Variants in INSC observed in about 807,000 individuals in gnomAD.
INSC encodes the protein protein inscuteable homolog.
A neutral mutation model predicts 58.6 loss-of-function variants in INSC; 67 were observed. The observed-to-expected ratio is 1.14, with a 90% CI of 0.94 to 1.40. INSC has a LOEUF of 1.40. INSC is among the 40% of genes most tolerant of loss of function. The pLI is 0.00. For synonymous variants in INSC, 262 were observed against 276.1 expected (o/e 0.95, Z 0.51); for missense variants, 714 against 692.0 (o/e 1.03, Z -0.36).
At chr11:15,261,833 T>G in the INSC span, among the ~76,000 whole-genome samples, 1 of 152,264 alleles carries the variant, frequency 6.6e-6, no homozygotes, top group Non-Finnish European at 1.5e-5. Context: ...ACTCAGGGAC[T>G]TAGGATCTAA....
intron 2 of INSC, among the ~76,000 whole-genome samples, chr11:15,174,410 C>T (rs1573542): frequency 0.52 from 78,436 of 151,908 alleles, 21,120 homozygotes; most frequent in East Asian, 0.94. Context: ...ATATTACATA[C>T]ATTGCTCATT....
chr11:15,223,772 G>C (rs1476619158), intron 8 of INSC, among the ~76,000 whole-genome samples: 1 of 152,192 alleles, frequency 6.6e-6, no homozygotes, highest in Non-Finnish European at 1.5e-5. Flanking sequence ...AGAGGATAAG[G>C]CAATCATTGG....
At chr11:15,259,117 T>C in the INSC span, among the ~76,000 whole-genome samples, 1 of 152,162 alleles carries the variant, frequency 6.6e-6, no homozygotes, top group Admixed American at 6.5e-5. Context: ...ACAACTCAGT[T>C]CTCTGGATCT....
At chr11:15,262,227 T>C in the INSC span, among the ~76,000 whole-genome samples, 74 of 152,162 alleles carry the variant, frequency 4.9e-4, no homozygotes, top group South Asian at 2.9e-3. Context: ...CTGACACACA[T>C]TGAAAACAAT....
intron 1 of INSC, among the ~76,000 whole-genome samples, chr11:15,126,461 C>T (rs1847997709): frequency 6.6e-6 from 1 of 152,168 alleles, no homozygotes; most frequent in Non-Finnish European, 1.5e-5. Flanking sequence ...GGTCTGGGCT[C>T]TGGCCATGAA....
intron 1 of INSC, among the ~76,000 whole-genome samples, chr11:15,122,103 C>A (rs1847887862): frequency 6.6e-6 from 1 of 152,304 alleles, no homozygotes; most frequent in East Asian, 1.9e-4. Context: ...TTTATATGCT[C>A]TCTTAGCAAA....
At chr11:15,235,365 T>A (rs752080680) in intron 9 of INSC, among the ~76,000 whole-genome samples, 4 of 152,166 alleles carry the variant, frequency 2.6e-5, no homozygotes, top group Middle Eastern at 3.2e-3. Context: ...CCTGGGGCCC[T>A]TGGGGGCCGT....
At chr11:15,236,385 C>G (rs941629833) in intron 10 of INSC, among the ~76,000 whole-genome samples, 2 of 152,048 alleles carry the variant, frequency 1.3e-5, no homozygotes, top group African/African-American at 4.8e-5. Context: ...CTATTCCTAC[C>G]AAGGGATACA....
intron 2 of INSC, among the ~76,000 whole-genome samples, chr11:15,169,318 T>G (rs1849310569): frequency 6.6e-6 from 1 of 152,174 alleles, no homozygotes; most frequent in South Asian, 2.1e-4. Flanking sequence ...CTATGTTCCT[T>G]TCCCCTGAGA....
intron 9 of INSC, 26 bp downstream of exon 9, chr11:15,225,854 A>G: frequency 6.2e-7 from 1 of 1,601,936 alleles, no homozygotes; most frequent in Non-Finnish European, 8.5e-7. Flanking sequence ...GGCACTGAGC[A>G]CAGGGCCCAT....
At chr11:15,147,897 C>G (rs1251538892) in intron 1 of INSC, among the ~76,000 whole-genome samples, 1 of 152,196 alleles carries the variant, frequency 6.6e-6, no homozygotes, top group Non-Finnish European at 1.5e-5. Context: ...CTATAGGGCT[C>G]CCGTGTAATC....
intron 1 of INSC, among the ~76,000 whole-genome samples, chr11:15,126,525 A>G (rs1847999497): frequency 6.6e-6 from 1 of 152,168 alleles, no homozygotes; most frequent in Non-Finnish European, 1.5e-5. Context: ...TTAGATTCAG[A>G]GCAGGAGCTC....
intron 6 of INSC, among the ~76,000 whole-genome samples, chr11:15,191,320 A>C (rs1850169122): frequency 6.6e-6 from 1 of 151,010 alleles, no homozygotes; most frequent in African/African-American, 2.4e-5. Flanking sequence ...CTCTGATTTC[A>C]TTTCCCACTT....
At chr11:15,255,121 A>G in the INSC span, among the ~76,000 whole-genome samples, 1 of 152,132 alleles carries the variant, frequency 6.6e-6, no homozygotes, top group Non-Finnish European at 1.5e-5. Context: ...TTGATCAAAC[A>G]CTTTCTGAAA....
chr11:15,133,186 C>A (rs576174205), intron 1 of INSC, among the ~76,000 whole-genome samples: 2 of 152,248 alleles, frequency 1.3e-5, no homozygotes, highest in East Asian at 3.9e-4. Context: ...TTAGTTCTCT[C>A]GTATTTTTTC....
chr11:15,229,975 T>TA (rs1441954279), intron 9 of INSC, among the ~76,000 whole-genome samples: 18 of 14,000 alleles, frequency 1.3e-3, no homozygotes, highest in African/African-American at 3.0e-3. Context: ...TATATATATA[T>TA]ATATTATATA....
downstream of INSC, among the ~76,000 whole-genome samples, chr11:15,250,357 C>A (rs542905962): frequency 7.9e-5 from 12 of 152,280 alleles, no homozygotes; most frequent in African/African-American, 2.9e-4. Context: ...TAAGATTAAG[C>A]GAGATCATTT....
chr11:15,207,097 T>G (rs1850832502), intron 7 of INSC, among the ~76,000 whole-genome samples: 1 of 152,026 alleles, frequency 6.6e-6, no homozygotes, highest in Non-Finnish European at 1.5e-5. Context: ...GGCTGGAGAC[T>G]AGAGCTGGAC....
chr11:15,178,437 G>A lies in INSC; in HGVS notation c.569G>A (p.Arg190Gln), dbSNP rs748504831. Reference protein sequence around the residue: ...FGQLLELALTREVQALVRKID... With the variant: ...FGQLLELALTQEVQALVRKID... ...CAGCTGCTGGAGCTGGCCCTGACAC[G>A]GGAGGTTCAGGTCAGTGCAGGCTGG... The change falls in exon 5 of 13, where the codon CGG becomes CAG. Residue 190 changes from arginine to glutamine, a missense_variant. Arg to Gln is a conservative substitution (Grantham distance 43). Transcript: ENST00000379556. The A allele has an allele frequency of 2.2e-5, 35 of 1,610,510 alleles. No individual in the cohort carries two copies. The highest frequency in any genetic ancestry group is 6.7e-5 in the African/African-American group (5 of 74,908).
Sources: allele counts gnomAD v4.1 joint callset (sites outside exome capture counted in the v4.1 genomes callset), GRCh38; gene constraint gnomAD v4.1.1; transcripts MANE v1.5; gene names NCBI Gene and HGNC (gene_info 2026-07-23, HGNC 2026-07-21).